Variants in MALAT1 observed in about 807,000 individuals in gnomAD.
The protein encoded by MALAT1 is metastasis associated lung adenocarcinoma transcript 1, also known as hepcarcin.
chr11:65,505,548 T>A (rs1854664505), intron 3 of MALAT1: 1 of 515,638 alleles, frequency 1.9e-6, no homozygotes, highest in Admixed American at 1.9e-5. Context: ...CACAAGCAAC[T>A]TCTCTGCCAC....
exon 3 of MALAT1, chr11:65,501,320 G>C (rs1041841747): frequency 3.9e-6 from 2 of 518,554 alleles, no homozygotes; most frequent in African/African-American, 1.9e-5. Flanking sequence ...AGGTGTAACA[G>C]AAAACAAGAA....
exon 3 of MALAT1, chr11:65,502,984 T>C (rs1002613362): frequency 2.0e-6 from 1 of 496,372 alleles, no homozygotes; most frequent in Non-Finnish European, 4.0e-6. Flanking sequence ...AAAAGCAGAA[T>C]AAAAGCGAAA....
intron 3 of MALAT1, chr11:65,505,067 G>A (rs1295012524): frequency 1.9e-6 from 1 of 518,952 alleles, no homozygotes; most frequent in Non-Finnish European, 3.8e-6. Context: ...ATCAGTTATG[G>A]GACAATAGTA....
At chr11:65,501,817 T>C (rs1310872156) in exon 3 of MALAT1, 1 of 518,030 alleles carries the variant, frequency 1.9e-6, no homozygotes, top group Non-Finnish European at 3.9e-6. Flanking sequence ...TCCAATAATG[T>C]GACTTCTTAA....
intron 3 of MALAT1, chr11:65,505,257 A>T (rs753324393): frequency 5.8e-6 from 3 of 518,506 alleles, no homozygotes; most frequent in Non-Finnish European, 1.2e-5. Context: ...CAGGAGAGAC[A>T]ACAAAGCGCT....
At chr11:65,505,078 T>C (rs1227097441) in intron 3 of MALAT1, 3 of 518,926 alleles carry the variant, frequency 5.8e-6, no homozygotes, top group African/African-American at 3.8e-5. Context: ...GACAATAGTA[T>C]TGAATAGATT....
At chr11:65,500,007 A>AG in exon 3 of MALAT1, 2 of 426,502 alleles carry the variant, frequency 4.7e-6, no homozygotes, top group Non-Finnish European at 9.1e-6. Context: ...AATTATTGGT[A>AG]ACCAATTTAT....
exon 3 of MALAT1, chr11:65,500,861 A>G (rs763692639): frequency 1.9e-6 from 1 of 518,494 alleles, no homozygotes; most frequent in Admixed American, 1.9e-5. Flanking sequence ...TTTCGTACTG[A>G]GGTGTAAAGG....
chr11:65,499,734 A>C (rs1158768752), exon 3 of MALAT1: 1 of 434,122 alleles, frequency 2.3e-6, no homozygotes, highest in East Asian at 7.1e-5. Flanking sequence ...AGATAAAAAC[A>C]TACTTTTAGA....
At chr11:65,497,842 CG>C (rs1378634808) in exon 1 of MALAT1, 1 of 515,352 alleles carries the variant, frequency 1.9e-6, no homozygotes, top group African/African-American at 1.9e-5. Context: ...AGCCCGGCGC[CG>C]GGAAGCCTCA....
At chr11:65,498,090 G>A (rs548914753) in intron 1 of MALAT1, 2 of 518,868 alleles carry the variant, frequency 3.9e-6, no homozygotes, top group East Asian at 1.1e-4. Context: ...ACCTAACCAG[G>A]CATAACACAG....
chr11:65,503,405 A>G (rs1470561869), exon 3 of MALAT1: 2 of 516,054 alleles, frequency 3.9e-6, no homozygotes, highest in East Asian at 5.4e-5. Context: ...ACTCAGAGGC[A>G]TTTGCATCTT....
At chr11:65,506,129 T>C (rs539075670) in intron 3 of MALAT1, 12 of 402,830 alleles carry the variant, frequency 3.0e-5, no homozygotes, top group African/African-American at 2.4e-4. Flanking sequence ...TGCTGGTGGT[T>C]GGCACTCCTG....
chr11:65,503,876 T>C (rs1009285299), exon 3 of MALAT1: 1 of 518,280 alleles, frequency 1.9e-6, no homozygotes, highest in Non-Finnish European at 3.9e-6. Context: ...AGAGGCCCTC[T>C]AAATAAGGAA....
At chr11:65,499,458 T>C (rs983835877) in exon 3 of MALAT1, 9 of 467,822 alleles carry the variant, frequency 1.9e-5, no homozygotes, top group African/African-American at 1.2e-4. Flanking sequence ...GTTTAAAAGT[T>C]GTAGGTGATT....
intron 1 of MALAT1, chr11:65,498,516 A>C (rs952822006): frequency 1.9e-6 from 1 of 516,916 alleles, no homozygotes; most frequent in African/African-American, 1.9e-5. Context: ...CTCGAACAAA[A>C]AAGCAAAACG....
chr11:65,502,563 TAGTTC>T (rs1242682646), exon 3 of MALAT1: 2 of 484,286 alleles, frequency 4.1e-6, no homozygotes, highest in Non-Finnish European at 8.0e-6. Context: ...AGAATTGTGA[TAGTTC>T]AGCTTGAATG....
chr11:65,504,700 A>G (rs1421306106), intron 3 of MALAT1: 1 of 518,908 alleles, frequency 1.9e-6, no homozygotes, highest in African/African-American at 1.9e-5. Context: ...CCAAACAAGC[A>G]ACAGTCTTCA....
chr11:65,498,795 C>A (rs747507885), intron 2 of MALAT1: 1 of 518,922 alleles, frequency 1.9e-6, no homozygotes, highest in South Asian at 1.4e-5. Flanking sequence ...AATATGATTT[C>A]CATGTTTCTT....
Sources: allele counts gnomAD v4.1 joint callset, GRCh38; gene constraint gnomAD v4.1.1; transcripts MANE v1.5; gene names NCBI Gene and HGNC (gene_info 2026-07-23, HGNC 2026-07-21).